Variants in EFNA5 observed in about 807,000 individuals in gnomAD.
EFNA5 encodes ephrin A5, also known as ephrin-A5.
EFNA5 carries 5 observed loss-of-function variants against 22.9 expected under a neutral mutation model. The ratio of observed to expected loss-of-function variants is 0.22; its 90% confidence interval spans 0.11 to 0.46. EFNA5 has a LOEUF of 0.46. Ranked by LOEUF, EFNA5 falls within the 20% of genes least tolerant of loss-of-function variation. The probability of loss-of-function intolerance (pLI) is 0.99; values close to 1 mark genes in which losing one functional copy is unlikely to be tolerated. For synonymous variants in EFNA5, 113 were observed against 112.2 expected, an observed-to-expected ratio of 1.01 and a Z score of -0.04; for missense variants, 237 against 293.3, an observed-to-expected ratio of 0.81 and a Z score of 1.40.
At chr5:107,389,130 T>G (rs1747718382) in intron 2 of EFNA5, among the ~76,000 whole-genome samples, 1 of 152,132 alleles carries the variant, frequency 6.6e-6, no homozygotes. Context: ...AAAAAGTGTT[T>G]TTGGTCCTCC....
chr5:107,639,417 T>C (rs1750455263), intron 1 of EFNA5, among the ~76,000 whole-genome samples: 1 of 152,248 alleles, frequency 6.6e-6, no homozygotes, highest in Non-Finnish European at 1.5e-5. Flanking sequence ...AGGTGTAACT[T>C]TCATCCAATA....
At chr5:107,394,358 C>A (rs1747864533) in intron 2 of EFNA5, among the ~76,000 whole-genome samples, 1 of 152,064 alleles carries the variant, frequency 6.6e-6, no homozygotes, top group South Asian at 2.1e-4. Flanking sequence ...AGATAGAGGC[C>A]TTGGAGAAAT....
chr5:107,394,035 A>G (rs552003943), intron 2 of EFNA5, among the ~76,000 whole-genome samples: 65 of 152,352 alleles, frequency 4.3e-4, no homozygotes, highest in African/African-American at 1.5e-3. Context: ...TAAAGCAACA[A>G]TTTGCAACTG....
chr5:107,637,543 G>GT lies in EFNA5; in HGVS notation c.125+32945_125+32946insA, dbSNP rs1561456183. ...CTGTGTGTGTGTGTGTGTGTGTGTG[G>GT]GTTTGCTTTTCAAGTATGGTACTGA... On this transcript the variant is annotated intron_variant, in intron 1 of 4. Coordinates refer to ENST00000333274, the MANE Select transcript of EFNA5 (RefSeq NM_001962.3). Among the ~76,000 whole-genome samples, 52 of 147,858 alleles carry GT rather than the reference G, an allele frequency of 3.5e-4. 1 individual carries two copies. Among genetic ancestry groups the GT allele is most frequent in the Non-Finnish European group, 6.0e-4 (40 of 66,724 alleles).
chr5:107,565,610 T>C (rs1748649418), intron 1 of EFNA5, among the ~76,000 whole-genome samples: 1 of 152,216 alleles, frequency 6.6e-6, no homozygotes, highest in Non-Finnish European at 1.5e-5. Context: ...TATACATATG[T>C]TTTATGTCCA....
chr5:107,507,278 T>C lies in EFNA5; in HGVS notation c.126-79769A>G, dbSNP rs551353215. ...CACACAGAAAGTTGTCAGTAAAATA[T>C]GGATTACAAATCTCATCTCCTAACT... On this transcript the variant is annotated intron_variant, in intron 1 of 4. Coordinates refer to ENST00000333274, the MANE Select transcript of EFNA5 (RefSeq NM_001962.3). Among the ~76,000 whole-genome samples, 7 of 152,368 alleles carry C rather than the reference T, an allele frequency of 4.6e-5. 1 individual carries two copies. The South Asian group carries it at 1.5e-3, about 32-fold the overall frequency.
intron 1 of EFNA5, among the ~76,000 whole-genome samples, chr5:107,440,701 C>T (rs1749233835): frequency 6.6e-6 from 1 of 152,152 alleles, no homozygotes; most frequent in African/African-American, 2.4e-5. Flanking sequence ...GCTGCTCACA[C>T]TGTTCAAGGC....
chr5:107,478,255 G>T (rs1750365313), intron 1 of EFNA5, among the ~76,000 whole-genome samples: 1 of 152,268 alleles, frequency 6.6e-6, no homozygotes, highest in East Asian at 1.9e-4. Context: ...GCAGGCAAGA[G>T]ATCCATAGTC....
intron 1 of EFNA5, among the ~76,000 whole-genome samples, chr5:107,537,779 T>C (rs1003646525): frequency 1.3e-5 from 2 of 152,218 alleles, no homozygotes; most frequent in Non-Finnish European, 2.9e-5. Context: ...CTGAATGTTT[T>C]ACCCTACATC....
At chr5:107,642,832 G>A (rs1580577484) in intron 1 of EFNA5, among the ~76,000 whole-genome samples, 1 of 152,008 alleles carries the variant, frequency 6.6e-6, no homozygotes, top group East Asian at 1.9e-4. Flanking sequence ...AGAGTTCCAT[G>A]GTGGAGAGTA....
chr5:107,635,628 C>G (rs923531806), intron 1 of EFNA5, among the ~76,000 whole-genome samples: 2 of 152,168 alleles, frequency 1.3e-5, no homozygotes. Flanking sequence ...TTAAGGCAAG[C>G]ATTTTGTGCA....
intron 1 of EFNA5, among the ~76,000 whole-genome samples, chr5:107,643,520 A>T (rs1240463896): frequency 6.6e-6 from 1 of 152,120 alleles, no homozygotes; most frequent in African/African-American, 2.4e-5. Context: ...TGGGCCCCCA[A>T]AAGGGTCCCA....
intron 1 of EFNA5, among the ~76,000 whole-genome samples, chr5:107,436,816 C>G (rs963688145): frequency 1.3e-5 from 2 of 152,170 alleles, no homozygotes; most frequent in Non-Finnish European, 2.9e-5. Context: ...AATAAGCCAC[C>G]TGTCAAACTG....
At chr5:107,478,925 T>TAA (rs1241718430) in intron 1 of EFNA5, among the ~76,000 whole-genome samples, 1 of 152,168 alleles carries the variant, frequency 6.6e-6, no homozygotes, top group African/African-American at 2.4e-5. Flanking sequence ...TAAGCACTGC[T>TAA]AACCTGTTGA....
chr5:107,472,699 GTTAA>G (rs2112387561), intron 1 of EFNA5, among the ~76,000 whole-genome samples: 1 of 152,292 alleles, frequency 6.6e-6, no homozygotes, highest in African/African-American at 2.4e-5. Context: ...TCTCAATCAA[GTTAA>G]TTAGAGACAT....
intron 1 of EFNA5, among the ~76,000 whole-genome samples, chr5:107,590,702 T>C (rs1021925153): frequency 6.6e-6 from 1 of 152,142 alleles, no homozygotes; most frequent in Non-Finnish European, 1.5e-5. Flanking sequence ...CTCATGGACA[T>C]GATTTTATCT....
chr5:107,478,085 T>A (rs1200064187), intron 1 of EFNA5, among the ~76,000 whole-genome samples: 1 of 152,116 alleles, frequency 6.6e-6, no homozygotes, highest in African/African-American at 2.4e-5. Flanking sequence ...ATGATAGAAA[T>A]GCTACTCATT....
At chr5:107,385,539 C>T (rs549136965) in intron 4 of EFNA5, among the ~76,000 whole-genome samples, 2 of 152,262 alleles carry the variant, frequency 1.3e-5, no homozygotes, top group East Asian at 3.9e-4. Flanking sequence ...TCTTTATGAA[C>T]ATACCTCTAA....
chr5:107,548,260 T>A (rs897069243), intron 1 of EFNA5, among the ~76,000 whole-genome samples: 12 of 152,318 alleles, frequency 7.9e-5, no homozygotes, highest in African/African-American at 2.2e-4. Context: ...TTTTTAAAAA[T>A]TTTTTTGAAG....
Sources: allele counts gnomAD v4.1 joint callset (sites outside exome capture counted in the v4.1 genomes callset), GRCh38; gene constraint gnomAD v4.1.1; transcripts MANE v1.5; gene names NCBI Gene and HGNC (gene_info 2026-07-23, HGNC 2026-07-21).